Variants in FBXO28 observed in about 807,000 individuals in gnomAD.
FBXO28 encodes the protein F-box only protein 28.
Under a neutral mutation model 38.1 loss-of-function variants are expected in FBXO28, and 8 were observed. The ratio of observed to expected loss-of-function variants is 0.21; its 90% confidence interval spans 0.12 to 0.38. The LOEUF (loss-of-function observed/expected upper bound fraction) is 0.38. Ranked by LOEUF, FBXO28 falls within the 10% of genes least tolerant of loss-of-function variation. FBXO28 has a pLI of 1.00. For synonymous variants in FBXO28, 168 were observed against 173.8 expected, an observed-to-expected ratio of 0.97 and a Z score of 0.26; for missense variants, 345 against 460.6, an observed-to-expected ratio of 0.75 and a Z score of 2.30.
intron 1 of FBXO28, among the ~76,000 whole-genome samples, chr1:224,128,930 G>A (rs1308436217): frequency 6.9e-6 from 1 of 143,964 alleles, no homozygotes; most frequent in Admixed American, 7.4e-5. Context: ...ATGCTGCAGT[G>A]AGCTGTGATC....
intron 3 of FBXO28, among the ~76,000 whole-genome samples, chr1:224,135,506 C>G (rs950716289): frequency 1.3e-5 from 2 of 148,154 alleles, no homozygotes; most frequent in Non-Finnish European, 3.0e-5. Context: ...CAGATACTTG[C>G]AAGGCTGAGG....
chr1:224,120,447 T>C (rs1656745620), intron 1 of FBXO28, among the ~76,000 whole-genome samples: 1 of 152,266 alleles, frequency 6.6e-6, no homozygotes. Flanking sequence ...GAATTATCTT[T>C]GGAGGAGCCT....
At chr1:224,127,767 C>T (rs1214039704) in intron 1 of FBXO28, among the ~76,000 whole-genome samples, 2 of 151,998 alleles carry the variant, frequency 1.3e-5, no homozygotes, top group Non-Finnish European at 1.5e-5. Flanking sequence ...ATTAGCTGGG[C>T]GTGGTGGCAC....
At chr1:224,117,165 A>ATTTTTTTTTTTTTTTTT (rs71168310) in intron 1 of FBXO28, among the ~76,000 whole-genome samples, 1 of 122,192 alleles carries the variant, frequency 8.2e-6, no homozygotes, top group African/African-American at 3.3e-5. Flanking sequence ...AATAAATTGG[A>ATTTTTTTTTTTTTTTTT]TTTTTTTTTT....
intron 3 of FBXO28, among the ~76,000 whole-genome samples, chr1:224,151,860 C>T (rs533306358): frequency 2.4e-4 from 37 of 151,822 alleles, no homozygotes; most frequent in African/African-American, 8.5e-4. Flanking sequence ...CTGGCCAACA[C>T]GGTGAAACCC....
intron 3 of FBXO28, among the ~76,000 whole-genome samples, chr1:224,144,312 A>G (rs1657444765): frequency 6.8e-6 from 1 of 147,162 alleles, no homozygotes; most frequent in African/African-American, 2.5e-5. Context: ...GAAAAAAAAA[A>G]TTGCCAGGCA....
chr1:224,125,908 C>T (rs915396808), intron 1 of FBXO28, among the ~76,000 whole-genome samples: 1 of 152,262 alleles, frequency 6.6e-6, no homozygotes, highest in Middle Eastern at 3.4e-3. Context: ...GGATTACAGG[C>T]GTGAGCCACT....
intron 1 of FBXO28, among the ~76,000 whole-genome samples, chr1:224,123,206 A>G (rs1219163204): frequency 6.6e-6 from 1 of 152,214 alleles, no homozygotes; most frequent in East Asian, 1.9e-4. Flanking sequence ...TTATTTATTT[A>G]TTTTGGTTCT....
At chr1:224,118,721 T>C (rs114932926) in intron 1 of FBXO28, among the ~76,000 whole-genome samples, 2,443 of 152,312 alleles carry the variant, frequency 0.016, 72 homozygotes, top group African/African-American at 0.056. Context: ...TTTTTTTGTT[T>C]TTGTTTTTAA....
intron 1 of FBXO28, among the ~76,000 whole-genome samples, chr1:224,125,292 T>G (rs949266419): frequency 1.5e-4 from 23 of 152,240 alleles, no homozygotes; most frequent in African/African-American, 5.5e-4. Flanking sequence ...CTGGCTATGC[T>G]TAAAATCTTT....
At chr1:224,121,671 TTTTC>T (rs752179551) in intron 1 of FBXO28, among the ~76,000 whole-genome samples, 2 of 152,030 alleles carry the variant, frequency 1.3e-5, no homozygotes, top group African/African-American at 2.4e-5. Context: ...AACTTTTTTT[TTTTC>T]TTTGAGACAG....
Position 224,114,114 on chromosome 1 carries a change from G to A in FBXO28, c.-16G>A, listed in dbSNP as rs372391697. 6.5e-6 allele frequency: 10 copies of A among 1,528,930 alleles called. No homozygotes were observed. In the African/African-American group the frequency reaches 6.9e-5, roughly 11 times the overall value. The allele number at this position is 1,528,930 out of a possible 1,614,324, so 94.7% of individuals were successfully genotyped here. A position where few individuals can be genotyped will look rare whatever the true frequency, so the allele number is the denominator to read the frequency against. On this transcript the variant is annotated 5_prime_UTR_variant, in exon 1 of 5. Transcript: ENST00000366862. ...CTGTTCCCCTTGCTGTGGGGGTAAG[G>A]AATCAAGCCCCCAAGATGGCGGCAG...
intron 3 of FBXO28, among the ~76,000 whole-genome samples, chr1:224,139,240 G>T (rs1657279490): frequency 6.6e-6 from 1 of 151,688 alleles, no homozygotes; most frequent in Non-Finnish European, 1.5e-5. Flanking sequence ...TATATATTAG[G>T]CATTATTGGC....
rs564364050 is a variant in FBXO28, at chr1:224,157,702, A to G, written c.1063A>G (p.Ile355Val). The G allele has an allele frequency of 1.9e-6, 3 of 1,613,024 alleles. No individual in the cohort carries two copies. The highest frequency in any genetic ancestry group is 1.7e-6 in the Non-Finnish European group (2 of 1,179,764). The change falls in exon 5 of 5, where the codon ATA becomes GTA. Residue 355 changes from isoleucine to valine, a missense_variant. Physicochemically the swap from Ile to Val is conservative, Grantham distance 29. Coordinates refer to ENST00000366862, the MANE Select transcript of FBXO28 (RefSeq NM_015176.4). ...PRKRKKATEA[I>V]DSLRKSKRLR... Reference sequence around the variant, plus strand: ...GAAACGAAAAAAGGCCACGGAAGCCATAGACTCTCTTAGGAAATCTAAACG... The same window carrying G: ...GAAACGAAAAAAGGCCACGGAAGCCGTAGACTCTCTTAGGAAATCTAAACG...
chr1:224,131,176 A>G (rs1350107400), intron 2 of FBXO28, among the ~76,000 whole-genome samples: 2 of 151,286 alleles, frequency 1.3e-5, no homozygotes, highest in Admixed American at 1.3e-4. Context: ...AGATGACGGT[A>G]CTCCCCAGAT....
intron 2 of FBXO28, among the ~76,000 whole-genome samples, chr1:224,133,003 G>A (rs570508124): frequency 6.6e-6 from 1 of 152,240 alleles, no homozygotes; most frequent in East Asian, 1.9e-4. Flanking sequence ...ATGTCCATCA[G>A]CTGATGAGCA....
chr1:224,134,961 T>C (rs1657139539), intron 3 of FBXO28, among the ~76,000 whole-genome samples: 1 of 152,248 alleles, frequency 6.6e-6, no homozygotes, highest in South Asian at 2.1e-4. Flanking sequence ...GTTCGCTTTT[T>C]GTTATTTCCA....
rs768567601 is a variant in FBXO28 at position 224,153,333 on chromosome 1, T to C, written c.708T>C (p.Pro236=). The C allele has an allele frequency of 6.4e-7, 1 of 1,574,622 alleles. No homozygotes were observed. The highest frequency in any genetic ancestry group is 8.6e-7 in the Non-Finnish European group (1 of 1,164,288). Residue 236 remains proline, a synonymous_variant, in exon 4 of 5, where the codon CCT becomes CCC. Coordinates refer to ENST00000366862, the MANE Select transcript of FBXO28 (RefSeq NM_015176.4). ...TTTCTGGAAGACTCATGGGCTCTCC[T>C]CCAGGTATCTCTACTTTATAATCAT... The part of the protein sequence containing the change: ...SDVSGRLMGS[P]PVPGPSAALT...
At chr1:224,125,673 G>A (rs928202662) in intron 1 of FBXO28, among the ~76,000 whole-genome samples, 25 of 144,352 alleles carry the variant, frequency 1.7e-4, no homozygotes, top group African/African-American at 6.2e-4. Context: ...ACGGAGTCTC[G>A]TTCTGTCATC....
Sources: allele counts gnomAD v4.1 joint callset (sites outside exome capture counted in the v4.1 genomes callset), GRCh38; gene constraint gnomAD v4.1.1; transcripts MANE v1.5; gene names NCBI Gene and HGNC (gene_info 2026-07-23, HGNC 2026-07-21).